COG5: variants seen among roughly 807,000 people sequenced by gnomAD.
COG5 encodes conserved oligomeric Golgi complex subunit 5.
Under a neutral mutation model 110.4 loss-of-function variants are expected in COG5, and 86 were observed. The ratio of observed to expected loss-of-function variants is 0.78; its 90% CI spans 0.65 to 0.93. COG5 has a LOEUF of 0.93. Ranked by LOEUF, COG5 falls within the 40% of genes least tolerant of loss-of-function variation. The probability of loss-of-function intolerance (pLI) is 0.00; values close to 1 mark genes in which losing one functional copy is unlikely to be tolerated. For synonymous variants in COG5, 360 were observed against 334.6 expected (o/e 1.08, Z -0.83); for missense variants, 1,077 against 987.0 (o/e 1.09, Z -1.22).
At chr7:107,528,392 T>A (rs1800932070) in intron 5 of COG5, among the ~76,000 whole-genome samples, 1 of 152,176 alleles carries the variant, frequency 6.6e-6, no homozygotes, top group Admixed American at 6.5e-5. Context: ...CGTGGTGATT[T>A]TTAATCACTA....
chr7:107,473,287 TA>T (rs1796748794), intron 6 of COG5, among the ~76,000 whole-genome samples: 1 of 151,938 alleles, frequency 6.6e-6, no homozygotes, highest in Non-Finnish European at 1.5e-5. Context: ...GGTCACAAAA[TA>T]AATCATTTCA....
chr7:107,455,829 A>G (rs1457490684), intron 6 of COG5, among the ~76,000 whole-genome samples: 1 of 152,064 alleles, frequency 6.6e-6, no homozygotes, highest in African/African-American at 2.4e-5. Context: ...GTCTCACTCC[A>G]TCCACCTAGG....
intron 12 of COG5, among the ~76,000 whole-genome samples, chr7:107,296,013 G>A (rs541714191): frequency 1.3e-5 from 2 of 151,960 alleles, no homozygotes; most frequent in South Asian, 2.1e-4. Context: ...GACTGGTCTC[G>A]AACTCCTGAC....
intron 6 of COG5, among the ~76,000 whole-genome samples, chr7:107,499,197 C>G (rs1451012275): frequency 3.3e-5 from 5 of 151,984 alleles, no homozygotes; most frequent in Non-Finnish European, 7.4e-5. Context: ...TTTAGTAAAG[C>G]AAGATAAGTA....
intron 6 of COG5, among the ~76,000 whole-genome samples, chr7:107,522,472 A>AAAC (rs775753075): frequency 1.3e-5 from 2 of 152,198 alleles, no homozygotes; most frequent in Admixed American, 1.3e-4. Context: ...CCGTCTCAAA[A>AAAC]AACAACAACA....
chr7:107,346,056 G>A (rs1009648395), intron 10 of COG5, among the ~76,000 whole-genome samples: 3 of 151,742 alleles, frequency 2.0e-5, no homozygotes, highest in Admixed American at 1.3e-4. Context: ...TTTTAGTATC[G>A]GCAAATTCCT....
chr7:107,231,478 A>G (rs1800769819), intron 18 of COG5, among the ~76,000 whole-genome samples: 1 of 152,122 alleles, frequency 6.6e-6, no homozygotes, highest in Non-Finnish European at 1.5e-5. Context: ...GTTCTTTTCT[A>G]CCAAGTGCAT....
chr7:107,466,693 C>A (rs1563051289), intron 6 of COG5, among the ~76,000 whole-genome samples: 1 of 152,134 alleles, frequency 6.6e-6, no homozygotes, highest in Non-Finnish European at 1.5e-5. Context: ...AGTTGAGAAG[C>A]CAAATAAAAT....
At chr7:107,264,379 G>GA (rs1157816231) in intron 14 of COG5, among the ~76,000 whole-genome samples, 1 of 152,032 alleles carries the variant, frequency 6.6e-6, no homozygotes, top group South Asian at 2.1e-4. Flanking sequence ...ATGTATGTAA[G>GA]AAATATATTG....
At chr7:107,372,073 T>C (rs190563411) in intron 8 of COG5, among the ~76,000 whole-genome samples, 2 of 152,344 alleles carry the variant, frequency 1.3e-5, no homozygotes, top group Middle Eastern at 3.4e-3. Flanking sequence ...GCTACTCCTC[T>C]CTACCTTGAA....
intron 6 of COG5, among the ~76,000 whole-genome samples, chr7:107,457,940 G>C (rs1025903654): frequency 2.0e-5 from 3 of 151,796 alleles, no homozygotes; most frequent in Non-Finnish European, 2.9e-5. Context: ...ATTACACCAC[G>C]GTACATCACA....
At chr7:107,482,597 CCTT>C (rs969401502) in intron 6 of COG5, among the ~76,000 whole-genome samples, 9 of 123,934 alleles carry the variant, frequency 7.3e-5, no homozygotes, top group African/African-American at 2.5e-4. Flanking sequence ...GACTGTACTG[CCTT>C]CTTGAAAAAA....
intron 6 of COG5, among the ~76,000 whole-genome samples, chr7:107,450,903 G>A (rs1383940559): frequency 6.6e-6 from 1 of 152,104 alleles, no homozygotes; most frequent in Non-Finnish European, 1.5e-5. Flanking sequence ...ACCCCATGAG[G>A]TTCAACATCC....
At chr7:107,484,235 A>C (rs1797521247) in intron 6 of COG5, among the ~76,000 whole-genome samples, 1 of 152,138 alleles carries the variant, frequency 6.6e-6, no homozygotes, top group Non-Finnish European at 1.5e-5. Context: ...TAAGAATTTT[A>C]GACACAACTG....
At chr7:107,416,546 G>A (rs939575223) in intron 6 of COG5, among the ~76,000 whole-genome samples, 1 of 152,092 alleles carries the variant, frequency 6.6e-6, no homozygotes, top group Non-Finnish European at 1.5e-5. Flanking sequence ...AATTTAGTGG[G>A]CAGTATTATA....
At chr7:107,401,720 A>G (rs1791446762) in intron 7 of COG5, among the ~76,000 whole-genome samples, 2 of 152,218 alleles carry the variant, frequency 1.3e-5, no homozygotes, top group African/African-American at 2.4e-5. Context: ...CACAGGCCCA[A>G]ATGATGGGCT....
At chr7:107,286,631 A>T (rs534853418) in intron 12 of COG5, among the ~76,000 whole-genome samples, 2 of 152,328 alleles carry the variant, frequency 1.3e-5, no homozygotes, top group South Asian at 4.1e-4. Context: ...GCAACTCTTC[A>T]ATCTTTATAG....
chr7:107,290,336 T>C (rs1385519759), intron 12 of COG5, among the ~76,000 whole-genome samples: 1 of 152,158 alleles, frequency 6.6e-6, no homozygotes, highest in Non-Finnish European at 1.5e-5. Context: ...CTTCAGTGAC[T>C]AGAGTCTCTT....
In COG5 at chr7:107,475,137, A is replaced by G. The variant is rs905147375; in HGVS notation, c.538+52100T>C. 4 of 1,610,318 alleles carry G rather than the reference A, an allele frequency of 2.5e-6. No homozygotes were observed. In the African/African-American group the frequency reaches 5.4e-5, roughly 22 times the overall value. ...GTTTTTTAGTCATGGCTTATGGAACAACTATATTTCACCCTCTATTATATG... is the reference window on the plus strand; with the variant it reads ...GTTTTTTAGTCATGGCTTATGGAACGACTATATTTCACCCTCTATTATATG... On this transcript the variant is annotated intron_variant, in intron 6 of 21. Coordinates refer to ENST00000297135, the MANE Select transcript of COG5 (RefSeq NM_006348.5).
Sources: gnomAD v4.1 joint callset for allele counts (sites outside exome capture counted in the v4.1 genomes callset) on GRCh38, gnomAD v4.1.1 for gene constraint, MANE v1.5 for transcripts, NCBI Gene and HGNC (gene_info 2026-07-23, HGNC 2026-07-21) for gene names.